Variants in DNAH2 observed in about 807,000 individuals in gnomAD.
The protein encoded by DNAH2 is axonemal beta dynein heavy chain 2.
DNAH2 carries 323 observed loss-of-function variants against 523.5 expected under a neutral mutation model. That is an observed-to-expected ratio of 0.62 (90% confidence interval 0.56 to 0.68). DNAH2 has a LOEUF of 0.68. Among genes scored for constraint, DNAH2 ranks in the 30% least tolerant of loss-of-function variants. The pLI is 0.00. For missense variants in DNAH2, 4,907 were observed against 5,701.5 expected, an observed-to-expected ratio of 0.86 and a Z score of 4.49; for synonymous variants, 2,093 against 2,177.4, an observed-to-expected ratio of 0.96 and a Z score of 1.08.
In DNAH2 at chr17:7,824,664, C is replaced by T. The variant is rs1464374855; in HGVS notation, c.11790C>T (p.Pro3930=). 2 of 1,607,086 alleles carry T rather than the reference C, an allele frequency of 1.2e-6. No individual in the cohort carries two copies. The highest frequency in any genetic ancestry group is 8.5e-7 in the Non-Finnish European group (1 of 1,175,442). ...TCCGCCTCTGGCTCAGCTCCATCCC[C>T]CACCCAGACTTCCCTATCTCAATCT... ...PSFRLWLSSI[P]HPDFPISILQ... The change falls in exon 77 of 86, where the codon CCC becomes CCT. Residue 3930 remains proline, a synonymous_variant. Coordinates refer to ENST00000572933, the MANE Select transcript of DNAH2 (RefSeq NM_020877.5).
In DNAH2 at chr17:7,771,424, G is replaced by C. The variant is rs149755542; in HGVS notation, c.4457G>C (p.Arg1486Thr). ...VNSNWKAIMD[R>T]MNKDNNALRS... ...AGCAACTGGAAAGCCATCATGGACA[G>C]GATGAACAAGGACAACAATGCTCTC... Residue 1486 changes from arginine (R) to threonine (T), a missense_variant, in exon 28 of 86, where the codon AGG becomes ACG. Coordinates refer to ENST00000572933, the MANE Select transcript of DNAH2 (RefSeq NM_020877.5). 1.2e-4 allele frequency: 197 copies of C among 1,613,880 alleles called. No individual in the cohort carries two copies. Among genetic ancestry groups the C allele is most frequent in the Non-Finnish European group, 1.6e-4 (185 of 1,179,924 alleles).
At chr17:7,724,755 T>TTTTTC (rs1252395231) in intron 3 of DNAH2, among the ~76,000 whole-genome samples, 1 of 150,452 alleles carries the variant, frequency 6.6e-6, no homozygotes, top group African/African-American at 2.4e-5. Flanking sequence ...TTTTTTTTTT[T>TTTTTC]TTCTGAGATG....
rs367691606 is a variant in DNAH2, at chr17:7,739,796, T to C, written c.1234T>C (p.Phe412Leu). 49 of 1,613,930 alleles carry C rather than the reference T, an allele frequency of 3.0e-5. No individual in the cohort carries two copies. In the African/African-American group the frequency reaches 6.3e-4, roughly 21 times the overall value. The change falls in exon 9 of 86, where the codon TTC (phenylalanine) becomes CTC (leucine). Residue 412 changes from phenylalanine to leucine, a missense_variant. Physicochemically the swap from Phe to Leu is conservative, Grantham distance 22. This residue lies in a region of DNAH2 where 2,806 missense variants were observed against 3,190.8 expected (regional missense o/e 0.88). Coordinates refer to ENST00000572933, the MANE Select transcript of DNAH2 (RefSeq NM_020877.5). Reference protein sequence around the residue: ...EDGKQGPLPCFFGAQGPQITR... With the variant: ...EDGKQGPLPCLFGAQGPQITR... ...TGGCAAGCAGGGTCCCCTTCCTTGC[T>C]TCTTTGGTGCCCAGGGGCCACAGAT...
At chr17:7,816,142 G>C (rs1403286626) in intron 63 of DNAH2, among the ~76,000 whole-genome samples, 1 of 152,080 alleles carries the variant, frequency 6.6e-6, no homozygotes, top group Non-Finnish European at 1.5e-5. Flanking sequence ...CAGCTCTTGG[G>C]TTCATTTCTT....
intron 56 of DNAH2, 121 bp from the exon 57 acceptor site, chr17:7,801,457 C>A: frequency 7.2e-7 from 1 of 1,387,960 alleles, no homozygotes; most frequent in Non-Finnish European, 1.0e-6. Flanking sequence ...CAAGGAGATA[C>A]AGGAGCAAGG....
Position 7,824,747 on chromosome 17 carries a change from C to A in DNAH2, c.11853+20C>A. 1.3e-6 allele frequency: 2 copies of A among 1,492,296 alleles called. No homozygotes were observed. Among genetic ancestry groups the A allele is most frequent in the Admixed American group, 2.0e-5 (1 of 50,720 alleles). 92.4% of individuals were successfully genotyped at this position (1,492,296 alleles called of 1,614,324 possible). ...CCAAAGGTATGTGGCCATAGAGAAC[C>A]AGCATCATCAGGGCCATCTGGTCCA... On this transcript the variant is annotated intron_variant, in intron 77 of 85. Transcript: ENST00000572933.
rs753394245 is a variant in DNAH2, at chr17:7,792,762, C to T, written c.7251C>T (p.Pro2417=). The T allele has an allele frequency of 5.1e-5, 83 of 1,614,050 alleles. No homozygotes were observed. The highest frequency in any genetic ancestry group is 6.4e-5 in the Non-Finnish European group (76 of 1,180,024). ...ANQNPILLVG[P]VGTGKTSIAQ... The stretch of plus-strand genomic sequence containing the variant: ...AGAATCCCATTCTGCTGGTGGGTCC[C>T]GTGGGGACTGGGAAGACCTCCATCG... The change falls in exon 47 of 86, where the codon CCC becomes CCT. Residue 2417 remains proline, a synonymous_variant. Coordinates refer to ENST00000572933, the MANE Select transcript of DNAH2 (RefSeq NM_020877.5).
chr17:7,766,485 G>A lies in DNAH2; in HGVS notation c.3675+4G>A. 6.2e-7 allele frequency: 1 copy of A among 1,613,760 alleles called. No homozygotes were observed. Among genetic ancestry groups the A allele is most frequent in the Non-Finnish European group, 8.5e-7 (1 of 1,179,858 alleles). On this transcript the variant is annotated splice_donor_region_variant and intron_variant, in intron 22 of 85. Transcript: ENST00000572933. ...GGACCTTCAGAACCTGGAGAAGGTG[G>A]TGTGCTGAGCAAGGACCCTGTGGTC...
At position 7,717,970 on chromosome 17, in the gene DNAH2, G is replaced by C. The variant is rs1165367626; in HGVS notation, c.-844G>C. The C allele has an allele frequency of 2.7e-5, 4 of 150,848 alleles. No homozygotes were observed. Among genetic ancestry groups the C allele is most frequent in the Admixed American group, 2.0e-4 (3 of 15,122 alleles). The allele number at this position is 150,848 out of a possible 1,614,324, so 9.3% of individuals were successfully genotyped here. On this transcript the variant is annotated 5_prime_UTR_variant, in exon 1 of 86. Transcript: ENST00000572933. ...GAGCAAGGAATATTTGTGTGGGGGA[G>C]GGGGAGGAGAAGGGGCAGTTGTGAC...
At chr17:7,739,507 C>T (rs1029163645) in intron 8 of DNAH2, among the ~76,000 whole-genome samples, 2 of 152,188 alleles carry the variant, frequency 1.3e-5, no homozygotes, top group Non-Finnish European at 2.9e-5. Context: ...TGCCTCTTAT[C>T]GCTGCCCTAC....
chr17:7,774,706 C>A (rs1482097908), intron 28 of DNAH2, 53 bp from the exon 29 acceptor site: 1 of 1,524,168 alleles, frequency 6.6e-7, no homozygotes, highest in Non-Finnish European at 9.0e-7. Flanking sequence ...GCATCCAGAT[C>A]CGCCCAGGGC....
rs1391897080 is a variant in DNAH2 at position 7,798,957 on chromosome 17, G to A, written c.8560-146G>A. Reference sequence around the variant, plus strand: ...CTTGTAGTTCCAGCTACTCGGGGGTGGGGGGTGCTGAAGTGGGAGGATGGT... The same window carrying A: ...CTTGTAGTTCCAGCTACTCGGGGGTAGGGGGTGCTGAAGTGGGAGGATGGT... On this transcript the variant is annotated intron_variant, in intron 55 of 85. Transcript: ENST00000572933. The surrounding 1 kb of genome is among the most constrained non-coding windows in gnomAD (Gnocchi z 5.5). 8.3e-7 allele frequency: 1 copy of A among 1,207,406 alleles called. No homozygotes were observed. The highest frequency in any genetic ancestry group is 1.5e-5 in the South Asian group (1 of 68,476). The allele number at this position is 1,207,406 out of a possible 1,614,324, so 74.8% of individuals were successfully genotyped here. A position where few individuals can be genotyped will look rare whatever the true frequency, so the allele number is the denominator to read the frequency against.
chr17:7,805,214 G>T, intron 60 of DNAH2, 38 bp from the exon 61 acceptor site: 5 of 1,610,912 alleles, frequency 3.1e-6, no homozygotes, highest in Non-Finnish European at 2.5e-6. Context: ...TCTCCAGAAG[G>T]TCCTGTCTTA....
intron 11 of DNAH2, among the ~76,000 whole-genome samples, chr17:7,741,265 T>C (rs1265286020): frequency 1.1e-3 from 52 of 45,816 alleles, no homozygotes; most frequent in African/African-American, 5.7e-3. Flanking sequence ...TTTCTTTCTT[T>C]CTTTCTTTCT....
rs192547634 is a variant in DNAH2 at position 7,776,959 on chromosome 17, C to A, written c.5058+70C>A. ...TTGGGAGGCAGAGGTGGTAGGAGCC[C>A]ACTCGCTTGAGCCCAGGAGTTCGAG... On this transcript the variant is annotated intron_variant, in intron 32 of 85. Coordinates refer to ENST00000572933, the MANE Select transcript of DNAH2 (RefSeq NM_020877.5). The A allele has an allele frequency of 4.6e-6, 6 of 1,314,336 alleles. No individual in the cohort carries two copies. In the South Asian group the frequency reaches 7.4e-5, roughly 16 times the overall value. The allele number at this position is 1,314,336 out of a possible 1,614,324, so 81.4% of individuals were successfully genotyped here. A position where few individuals can be genotyped will look rare whatever the true frequency, so the allele number is the denominator to read the frequency against.
chr17:7,817,716 G>C lies in DNAH2; in HGVS notation c.10169+7G>C. On this transcript the variant is annotated splice_region_variant and intron_variant, in intron 66 of 85. Coordinates refer to ENST00000572933, the MANE Select transcript of DNAH2 (RefSeq NM_020877.5). Reference sequence around the variant, plus strand: ...TCGTCACCCGAGGCAACAGGTGAGGGTGCTGCTGGGCGTGGGGGCGGTACG... The same window carrying C: ...TCGTCACCCGAGGCAACAGGTGAGGCTGCTGCTGGGCGTGGGGGCGGTACG... 1 of 1,614,148 alleles carries C rather than the reference G, an allele frequency of 6.2e-7. No homozygotes were observed. Among genetic ancestry groups the C allele is most frequent in the African/African-American group, 1.3e-5 (1 of 75,036 alleles).
chr17:7,786,504 G>C lies in DNAH2; in HGVS notation c.6349-66G>C. 1 of 1,511,652 alleles carries C rather than the reference G, an allele frequency of 6.6e-7. No homozygotes were observed. Among genetic ancestry groups the C allele is most frequent in the Non-Finnish European group, 9.1e-7 (1 of 1,094,906 alleles). 93.6% of individuals were successfully genotyped at this position (1,511,652 alleles called of 1,614,324 possible). On this transcript the variant is annotated intron_variant, in intron 40 of 85. Coordinates refer to ENST00000572933, the MANE Select transcript of DNAH2 (RefSeq NM_020877.5). This position sits in a 1 kb window ranked among gnomAD's most constrained non-coding sequence, Gnocchi z 7.5. ...AGGGACAAATGCACGTACCTAAGAG[G>C]GGTCTGGAAATAAAGAGGGGTTTTT...
chr17:7,787,461 C>T (rs139098830), intron 42 of DNAH2: 149 of 248,866 alleles, frequency 6.0e-4, no homozygotes, highest in African/African-American at 3.0e-3. Context: ...TGGGCCGGGC[C>T]GGGTGGCTCA....
At chr17:7,793,445 C>T (rs1040421046) in intron 48 of DNAH2, among the ~76,000 whole-genome samples, 1 of 101,070 alleles carries the variant, frequency 9.9e-6, no homozygotes, top group African/African-American at 3.5e-5. Context: ...TTCTTTCTTT[C>T]TTTTTCTTTC....
Sources: gnomAD v4.1 joint callset for allele counts (sites outside exome capture counted in the v4.1 genomes callset) on GRCh38, gnomAD v4.1.1 for gene constraint, gnomAD v4.1.1 regional missense constraint, Gnocchi (gnomAD v3.1) non-coding constraint, MANE v1.5 for transcripts, NCBI Gene and HGNC (gene_info 2026-07-23, HGNC 2026-07-21) for gene names.